The following RXRA variants were observed in gnomAD, a reference collection of about 807,000 sequenced individuals.
RXRA encodes retinoic acid receptor RXR-alpha.
RXRA carries 5 observed loss-of-function variants against 44.5 expected under a neutral mutation model. The ratio of observed to expected loss-of-function variants is 0.11; its 90% confidence interval spans 0.06 to 0.24. The LOEUF (loss-of-function observed/expected upper bound fraction) is 0.24, where lower values mean the gene tolerates loss of function less well. RXRA is among the 10% of genes least tolerant of loss of function. The pLI, the probability that RXRA is intolerant of heterozygous loss-of-function variation, is 1.00. For synonymous variants in RXRA, 291 were observed against 271.4 expected (o/e 1.07, Z -0.71); for missense variants, 412 against 646.5 (o/e 0.64, Z 3.93).
chr9:134,381,166 C>T (rs1830639156), intron 1 of RXRA, among the ~76,000 whole-genome samples: 1 of 152,122 alleles, frequency 6.6e-6, no homozygotes, highest in Non-Finnish European at 1.5e-5. Context: ...TTGAGGGAGG[C>T]CCTGGAGAGG....
At chr9:134,386,214 C>T (rs757487566) in intron 1 of RXRA, among the ~76,000 whole-genome samples, 24 of 152,258 alleles carry the variant, frequency 1.6e-4, no homozygotes, top group Non-Finnish European at 2.5e-4. Flanking sequence ...CCTGCCCGCT[C>T]AGCCGCCGCG....
In RXRA at chr9:134,422,340, C is replaced by A. The variant is rs1393008005; in HGVS notation, c.910+535C>A. 7 of 1,284,248 alleles carry A rather than the reference C, an allele frequency of 5.5e-6. No homozygotes were observed. In the South Asian group the frequency reaches 8.7e-5, roughly 16 times the overall value. The allele number at this position is 1,284,248 out of a possible 1,614,324, so 79.6% of individuals were successfully genotyped here. On this transcript the variant is annotated intron_variant, in intron 6 of 9. Coordinates refer to ENST00000481739, the MANE Select transcript of RXRA (RefSeq NM_002957.6). ...GACACTCCCCACTCCTGGGACACTA[C>A]CCCCTCCCGGGACACACTCCCCGCT...
chr9:134,373,594 G>A (rs1830517014), intron 1 of RXRA, among the ~76,000 whole-genome samples: 1 of 152,206 alleles, frequency 6.6e-6, no homozygotes, highest in African/African-American at 2.4e-5. Flanking sequence ...GTAGACACAT[G>A]TGCAGGTCTG....
rs1040430314 is a variant in RXRA at position 134,425,748 on chromosome 9, C to T, written c.911-3360C>T. 1.3e-5 allele frequency: 13 copies of T among 985,250 alleles called. No individual in the cohort carries two copies. In the African/African-American group the frequency reaches 1.9e-4, roughly 15 times the overall value. The allele number at this position is 985,250 out of a possible 1,614,324, so 61.0% of individuals were successfully genotyped here. On this transcript the variant is annotated intron_variant, in intron 6 of 9. Transcript: ENST00000481739. ...AACACAGGGTAAGCCAGGCTGGGCT[C>T]TTGTCACTGCCGCCCTGGGACGGGA...
At chr9:134,424,002 C>T (rs1372372476) in intron 6 of RXRA, 48 of 985,326 alleles carry the variant, frequency 4.9e-5, no homozygotes, top group Non-Finnish European at 5.4e-5. Flanking sequence ...TGGCTGTGTC[C>T]GTCGCCATGT....
At chr9:134,358,048 G>A (rs1459018581) in intron 1 of RXRA, among the ~76,000 whole-genome samples, 3 of 152,260 alleles carry the variant, frequency 2.0e-5, no homozygotes, top group African/African-American at 4.8e-5. Flanking sequence ...CCTGCTGCTC[G>A]CTGGCCCGAG....
intron 1 of RXRA, among the ~76,000 whole-genome samples, chr9:134,384,632 G>GT (rs1564279741): frequency 6.6e-6 from 1 of 152,192 alleles, no homozygotes; most frequent in African/African-American, 2.4e-5. Flanking sequence ...GTGCTGGGGG[G>GT]CAGGGGCCAG....
intron 1 of RXRA, among the ~76,000 whole-genome samples, chr9:134,381,966 C>T (rs763894126): frequency 6.6e-6 from 1 of 152,166 alleles, no homozygotes; most frequent in Non-Finnish European, 1.5e-5. Context: ...CCACCGCTCC[C>T]TCGGTGTAGC....
intron 8 of RXRA, 49 bp downstream of exon 8, chr9:134,432,045 AGAGGTGCCT>A (rs1831540834): frequency 6.8e-7 from 1 of 1,474,240 alleles, no homozygotes. Flanking sequence ...CTGGTGGGGC[AGAGGTGCCT>A]GGGCCTCCTC....
At chr9:134,369,325 TG>T (rs149183008) in intron 1 of RXRA, among the ~76,000 whole-genome samples, 1,194 of 45,890 alleles carry the variant, frequency 0.026, 75 homozygotes, top group African/African-American at 0.12. Context: ...GTTGTGTGTG[TG>T]GGGGGGGTTA....
chr9:134,435,854 G>C (rs974822050), intron 9 of RXRA, among the ~76,000 whole-genome samples: 4 of 152,172 alleles, frequency 2.6e-5, no homozygotes, highest in African/African-American at 9.7e-5. Context: ...CCCGCTCCCG[G>C]CTGTCATGGC....
rs929539213 is a variant in RXRA at position 134,365,570 on chromosome 9, G to C, written c.29-36062G>C. Among the ~76,000 whole-genome samples, 5 of 152,186 alleles carry C rather than the reference G, an allele frequency of 3.3e-5. No homozygotes were observed. The highest frequency in any genetic ancestry group is 1.2e-4 in the African/African-American group (5 of 41,448). On this transcript the variant is annotated intron_variant, in intron 1 of 9. Transcript: ENST00000481739. The surrounding 1 kb of genome is among the most constrained non-coding windows in gnomAD (Gnocchi z 4.0). ...GGCTGCACTGGGGCCTGGGTGGTAG[G>C]GGGTGATCTGCTTGTCCAGTGGTTT...
chr9:134,332,127 G>C (rs1221771483), intron 1 of RXRA, among the ~76,000 whole-genome samples: 3 of 152,218 alleles, frequency 2.0e-5, no homozygotes, highest in Non-Finnish European at 4.4e-5. Context: ...CTTGGCTTGG[G>C]GTGGTGGCTA....
chr9:134,414,423 C>T (rs1329557282), intron 4 of RXRA, among the ~76,000 whole-genome samples: 6 of 152,246 alleles, frequency 3.9e-5, no homozygotes, highest in African/African-American at 7.2e-5. Context: ...CCAGGCCCCC[C>T]GTGTGCTGGC....
chr9:134,329,611 G>T (rs1020776716), intron 1 of RXRA, among the ~76,000 whole-genome samples: 15 of 152,086 alleles, frequency 9.9e-5, no homozygotes, highest in Non-Finnish European at 2.1e-4. Flanking sequence ...GTCCCTTGGG[G>T]TGTGGGGTGC....
intron 1 of RXRA, among the ~76,000 whole-genome samples, chr9:134,380,484 C>T (rs1390807191): frequency 1.1e-5 from 1 of 90,708 alleles, no homozygotes; most frequent in Non-Finnish European, 2.7e-5. Context: ...TGCCGCCTGT[C>T]AGGTGGGCGG....
At chr9:134,376,096 A>G (rs1180440947) in intron 1 of RXRA, among the ~76,000 whole-genome samples, 2 of 151,866 alleles carry the variant, frequency 1.3e-5, no homozygotes, top group South Asian at 2.1e-4. Flanking sequence ...TGTGTTTCCT[A>G]TCAAAGTTGG....
At chr9:134,369,497 A>T (rs1820881978) in intron 1 of RXRA, among the ~76,000 whole-genome samples, 1 of 84,248 alleles carries the variant, frequency 1.2e-5, no homozygotes, top group Non-Finnish European at 2.1e-5. Flanking sequence ...TATGTGTGAG[A>T]GTGCGGGGGT....
intron 1 of RXRA, among the ~76,000 whole-genome samples, chr9:134,397,321 A>G (rs1830894691): frequency 6.6e-6 from 1 of 152,064 alleles, no homozygotes; most frequent in African/African-American, 2.4e-5. Flanking sequence ...CCTTACTTCA[A>G]TGTTACTAAA....
Sources: allele counts gnomAD v4.1 joint callset (sites outside exome capture counted in the v4.1 genomes callset), GRCh38; gene constraint gnomAD v4.1.1; non-coding constraint Gnocchi (gnomAD v3.1); transcripts MANE v1.5; gene names NCBI Gene and HGNC (gene_info 2026-07-23, HGNC 2026-07-21).